Variants in TEX14 observed in about 807,000 individuals in gnomAD.
TEX14 encodes testis expressed 14, intercellular bridge forming factor.
In TEX14, 168 loss-of-function variants were observed where a neutral mutation model predicts 178.6. The ratio of observed to expected loss-of-function variants is 0.94; its 90% CI spans 0.83 to 1.07. The LOEUF (loss-of-function observed/expected upper bound fraction) is 1.07. Ranked by LOEUF, TEX14 falls within the 50% of genes least tolerant of loss-of-function variation. The probability of loss-of-function intolerance (pLI) is 0.00; values close to 1 mark genes in which losing one functional copy is unlikely to be tolerated. For synonymous variants in TEX14, 626 were observed against 634.1 expected (o/e 0.99, Z 0.19); for missense variants, 1,730 against 1,753.6 (o/e 0.99, Z 0.24).
intron 5 of TEX14, 86 bp downstream of exon 5, chr17:58,621,564 G>C: frequency 7.2e-7 from 1 of 1,389,428 alleles, no homozygotes; most frequent in Non-Finnish European, 9.8e-7. Context: ...CTGATGTGGA[G>C]GAGCTGAGGC....
At position 58,630,443 on chromosome 17, in the gene TEX14, T is replaced by C. The variant is rs1238128910; in HGVS notation, c.248A>G (p.Asn83Ser). ...DVLVDYGSDP[N>S]HRCFDGSTPV... ...ACATCAATATTATTGTACTTACTGA[T>C]TTGGATCTGATCCATAATCCACCAG... The change falls in exon 3 of 32, where the codon AAT becomes AGT. Residue 83 changes from asparagine (N) to serine (S), a missense_variant. Physicochemically the swap from Asn to Ser is conservative, Grantham distance 46. Transcript: ENST00000349033. 1 of 1,605,596 alleles carries C rather than the reference T, an allele frequency of 6.2e-7. No homozygotes were observed. Among genetic ancestry groups the C allele is most frequent in the Non-Finnish European group, 8.5e-7 (1 of 1,172,290 alleles).
intron 19 of TEX14, among the ~76,000 whole-genome samples, chr17:58,582,602 C>G (rs1461006624): frequency 6.9e-6 from 1 of 145,756 alleles, no homozygotes; most frequent in Non-Finnish European, 1.5e-5. Flanking sequence ...CTTCCTCTGT[C>G]ACCCAGGCTG....
chr17:58,604,300 G>A (rs982840715), intron 11 of TEX14, among the ~76,000 whole-genome samples: 38 of 150,744 alleles, frequency 2.5e-4, no homozygotes, highest in Admixed American at 1.2e-3. Context: ...GTAAAACCCC[G>A]TCTCTACTAA....
intron 19 of TEX14, among the ~76,000 whole-genome samples, chr17:58,581,956 G>A (rs756450510): frequency 3.9e-4 from 59 of 152,228 alleles, no homozygotes; most frequent in Middle Eastern, 3.4e-3. Context: ...TGCTAATCCT[G>A]AGCCTCAGCA....
chr17:58,683,432 A>C (rs2047535541), intron 1 of TEX14, among the ~76,000 whole-genome samples: 1 of 151,946 alleles, frequency 6.6e-6, no homozygotes, highest in South Asian at 2.1e-4. Context: ...TAAACATATA[A>C]AATCTTTATA....
chr17:58,630,933 G>C (rs1043368451), intron 2 of TEX14, among the ~76,000 whole-genome samples: 1 of 151,952 alleles, frequency 6.6e-6, no homozygotes, highest in Non-Finnish European at 1.5e-5. Flanking sequence ...TCACCTAAAA[G>C]ATCTTACTAA....
intron 6 of TEX14, among the ~76,000 whole-genome samples, chr17:58,616,564 G>A (rs779027406): frequency 2.6e-5 from 4 of 151,452 alleles, no homozygotes; most frequent in Admixed American, 6.6e-5. Flanking sequence ...CCAAGTAGCT[G>A]GGATTACAAG....
chr17:58,581,776 A>T, intron 19 of TEX14: 11 of 1,594,270 alleles, frequency 6.9e-6, no homozygotes, highest in Non-Finnish European at 9.4e-6. Context: ...GTTCATTGTA[A>T]CGAAATCCCT....
In TEX14 at chr17:58,571,829, T is replaced by G. The variant is rs190984752; in HGVS notation, c.3717+92A>C. The G allele has an allele frequency of 2.8e-4, 315 of 1,134,408 alleles. 3 individuals carry two copies. The highest frequency in any genetic ancestry group is 1.4e-3 in the South Asian group (108 of 75,544). The allele number at this position is 1,134,408 out of a possible 1,614,324, so 70.3% of individuals were successfully genotyped here. On this transcript the variant is annotated intron_variant, in intron 24 of 31. Transcript: ENST00000349033. Reference sequence around the variant, plus strand: ...AGAGGACCCAGCTTATTTCTTGCTTTCTTAATGAATTTGGAGAAATCTTGG... The same window carrying G: ...AGAGGACCCAGCTTATTTCTTGCTTGCTTAATGAATTTGGAGAAATCTTGG...
rs528530269 is a variant in TEX14, at chr17:58,648,791, T to C, written c.136+3075A>G. ...CTGTGAATTTCTTTTTTTTTCTTTT[T>C]TTTTTTTTTTTTTTTTGAGACAGAG... On this transcript the variant is annotated intron_variant, in intron 2 of 31. Coordinates refer to ENST00000349033, the MANE Select transcript of TEX14 (RefSeq NM_031272.5). 2.5e-3 allele frequency among the ~76,000 whole-genome samples: 356 copies of C among 140,332 alleles called. 2 individuals carry two copies. The South Asian group carries it at 0.027, about 11-fold the overall frequency. The allele number at this position is 140,332 out of a possible 152,430, so 92.1% of individuals were successfully genotyped here.
intron 3 of TEX14, among the ~76,000 whole-genome samples, chr17:58,629,643 G>GGCTA (rs2046234166): frequency 6.6e-6 from 1 of 151,514 alleles, no homozygotes; most frequent in African/African-American, 2.4e-5. Flanking sequence ...AGACCAACCT[G>GGCTA]GCTAGCATCA....
intron 1 of TEX14, among the ~76,000 whole-genome samples, chr17:58,667,259 A>T (rs1158410785): frequency 6.6e-6 from 1 of 152,158 alleles, no homozygotes; most frequent in Non-Finnish European, 1.5e-5. Flanking sequence ...GGAATCCAAG[A>T]TCTGGACTGC....
At chr17:58,621,315 C>CA (rs1028990666) in intron 5 of TEX14, among the ~76,000 whole-genome samples, 1 of 152,308 alleles carries the variant, frequency 6.6e-6, no homozygotes, top group African/African-American at 2.4e-5. Context: ...CAGGAGATGA[C>CA]AAAAAAGCCA....
intron 1 of TEX14, among the ~76,000 whole-genome samples, chr17:58,672,594 C>T (rs2047321440): frequency 6.6e-6 from 1 of 151,952 alleles, no homozygotes; most frequent in Non-Finnish European, 1.5e-5. Context: ...CCACCAGGCC[C>T]AGCTAATGTT....
At chr17:58,625,885 C>T (rs2046125818) in intron 3 of TEX14, among the ~76,000 whole-genome samples, 2 of 151,836 alleles carry the variant, frequency 1.3e-5, no homozygotes, top group Admixed American at 6.6e-5. Context: ...GGACTACAGG[C>T]GCCCGCCACC....
chr17:58,658,739 G>T (rs900998595), intron 1 of TEX14, among the ~76,000 whole-genome samples: 5 of 151,930 alleles, frequency 3.3e-5, no homozygotes, highest in Non-Finnish European at 2.9e-5. Flanking sequence ...AAATTTATCT[G>T]CACAGAAAAA....
intron 2 of TEX14, among the ~76,000 whole-genome samples, chr17:58,632,027 A>G (rs1198678486): frequency 6.6e-6 from 1 of 152,222 alleles, no homozygotes; most frequent in African/African-American, 2.4e-5. Context: ...TTAGGCAATC[A>G]CTGTAATTAA....
chr17:58,685,943 C>T (rs898590404), intron 1 of TEX14, among the ~76,000 whole-genome samples: 1 of 136,344 alleles, frequency 7.3e-6, no homozygotes, highest in Non-Finnish European at 1.5e-5. Context: ...TGCAGTGAGC[C>T]GAGATCACAC....
At chr17:58,557,474 T>G (rs976819575) in intron 31 of TEX14, among the ~76,000 whole-genome samples, 42 of 152,248 alleles carry the variant, frequency 2.8e-4, no homozygotes, top group African/African-American at 1.0e-3. Flanking sequence ...TTTCACCATG[T>G]TGGCCAGGCT....
Sources: allele counts gnomAD v4.1 joint callset (sites outside exome capture counted in the v4.1 genomes callset), GRCh38; gene constraint gnomAD v4.1.1; transcripts MANE v1.5; gene names NCBI Gene and HGNC (gene_info 2026-07-23, HGNC 2026-07-21).